DCHS2: variants seen among roughly 807,000 people sequenced by gnomAD.
DCHS2 encodes the protein protocadherin-23.
In DCHS2, 142 loss-of-function variants were observed where a neutral mutation model predicts 182.4. The observed-to-expected ratio is 0.78, with a 90% CI of 0.68 to 0.89. The LOEUF is 0.89. Ranked by LOEUF, DCHS2 falls within the 40% of genes least tolerant of loss-of-function variation. The pLI is 0.00. For synonymous variants in DCHS2, 1,740 were observed against 1,663.3 expected (o/e 1.05, Z -1.12); for missense variants, 4,319 against 4,198.6 (o/e 1.03, Z -0.79).
intron 13 of DCHS2, among the ~76,000 whole-genome samples, chr4:154,287,973 G>A (rs773842436): frequency 1.3e-5 from 2 of 152,066 alleles, no homozygotes; most frequent in African/African-American, 2.4e-5. Flanking sequence ...AGAGAAAACC[G>A]CCTTCACTAA....
intron 19 of DCHS2, among the ~76,000 whole-genome samples, chr4:154,238,590 C>T (rs768033925): frequency 1.3e-5 from 2 of 152,172 alleles, no homozygotes; most frequent in Non-Finnish European, 2.9e-5. Flanking sequence ...ATTTCACAAC[C>T]ACGAATGTCT....
intron 1 of DCHS2, among the ~76,000 whole-genome samples, chr4:154,466,449 A>G (rs760915280): frequency 1.3e-5 from 2 of 152,210 alleles, no homozygotes; most frequent in African/African-American, 2.4e-5. Context: ...AGAACCCATC[A>G]CTTTATAGCA....
chr4:154,270,048 G>A (rs1299185762), intron 13 of DCHS2, 35 bp from the exon 14 acceptor site: 15 of 1,562,194 alleles, frequency 9.6e-6, no homozygotes, highest in Non-Finnish European at 1.3e-5. Flanking sequence ...ACTCCATTAG[G>A]ATAAAAAAAT....
At chr4:154,431,012 C>G (rs1469803792) in intron 1 of DCHS2, among the ~76,000 whole-genome samples, 1 of 152,134 alleles carries the variant, frequency 6.6e-6, no homozygotes, top group African/African-American at 2.4e-5. Flanking sequence ...GTCTCCTCAC[C>G]TTGTCCTTCT....
At chr4:154,282,257 A>G (rs1366359166) in intron 13 of DCHS2, among the ~76,000 whole-genome samples, 1 of 152,150 alleles carries the variant, frequency 6.6e-6, no homozygotes, top group Non-Finnish European at 1.5e-5. Context: ...ATATAATAAG[A>G]GAAAATAGTT....
Position 154,454,091 on chromosome 4 carries a change from A to T in DCHS2, c.2052+35213T>A, listed in dbSNP as rs1020800599. Among the ~76,000 whole-genome samples the T allele has an allele frequency of 5.3e-5, 8 of 151,494 alleles. No individual in the cohort carries two copies. The Admixed American group carries it at 5.3e-4, about 10-fold the overall frequency. On this transcript the variant is annotated intron_variant, in intron 1 of 19. Coordinates refer to ENST00000357232, the MANE Select transcript of DCHS2 (RefSeq NM_001358235.2). ...TTATGTACAATGGTCCAATCATTTT[A>T]TATATTCCCATTGTTCAAATAGCAT...
chr4:154,268,186 C>A (rs534565613), intron 14 of DCHS2, among the ~76,000 whole-genome samples: 2 of 152,104 alleles, frequency 1.3e-5, no homozygotes, highest in African/African-American at 4.8e-5. Context: ...AGCATACAAT[C>A]TTTTCTCTTT....
chr4:154,288,217 T>C, intron 13 of DCHS2, among the ~76,000 whole-genome samples: 1 of 151,358 alleles, frequency 6.6e-6, no homozygotes, highest in East Asian at 1.9e-4. Flanking sequence ...AGACTGAAAA[T>C]AAAGAGCTGG....
intron 3 of DCHS2, among the ~76,000 whole-genome samples, chr4:154,337,088 C>G (rs763166300): frequency 3.9e-5 from 6 of 152,150 alleles, no homozygotes; most frequent in African/African-American, 9.7e-5. Flanking sequence ...GCACTCAGTA[C>G]TTATCACAAA....
Position 154,490,191 on chromosome 4 carries a change from C to T in DCHS2, c.1165G>A (p.Gly389Ser), listed in dbSNP as rs1351709900. 28 of 1,549,378 alleles carry T rather than the reference C, an allele frequency of 1.8e-5. No individual in the cohort carries two copies. Among genetic ancestry groups the T allele is most frequent in the Non-Finnish European group, 2.3e-5 (26 of 1,146,714 alleles). ...HQLVVEARDG[G>S]AEPEVATVRV... ...ACCGTGGCAACCTCAGGCTCGGCGCCTCCATCGCGGGCCTCCACCACCAAC... is the reference window on the plus strand; with the variant it reads ...ACCGTGGCAACCTCAGGCTCGGCGCTTCCATCGCGGGCCTCCACCACCAAC... The change falls in exon 1 of 20, where the codon GGC (glycine) becomes AGC (serine). Residue 389 changes from glycine to serine, a missense_variant. Gly to Ser is a moderately conservative substitution (Grantham distance 56). Coordinates refer to ENST00000357232, the MANE Select transcript of DCHS2 (RefSeq NM_001358235.2).
At chr4:154,359,761 T>C (rs1730032030) in intron 3 of DCHS2, among the ~76,000 whole-genome samples, 1 of 152,068 alleles carries the variant, frequency 6.6e-6, no homozygotes, top group Admixed American at 6.6e-5. Context: ...TTCTATCTCA[T>C]ATTGAGAATT....
At position 154,255,575 on chromosome 4, in the gene DCHS2, C is replaced by T; in HGVS notation, c.6885G>A (p.Leu2295=). Residue 2295 remains leucine, a synonymous_variant, in exon 16 of 20, where the codon CTG becomes CTA. Transcript: ENST00000357232. ...NQEEAFQIDA[L]SGVITTKAIL... ...TCGCTTTTGTTGTTATCACACCACTCAGTGCATCAATCTGGAATGCTTCTT... is the reference window on the plus strand; with the variant it reads ...TCGCTTTTGTTGTTATCACACCACTTAGTGCATCAATCTGGAATGCTTCTT... 1 of 1,614,020 alleles carries T rather than the reference C, an allele frequency of 6.2e-7. No individual in the cohort carries two copies. The highest frequency in any genetic ancestry group is 8.5e-7 in the Non-Finnish European group (1 of 1,179,956).
chr4:154,443,237 C>T (rs1410762203), intron 1 of DCHS2, among the ~76,000 whole-genome samples: 2 of 152,128 alleles, frequency 1.3e-5, no homozygotes, highest in Admixed American at 6.6e-5. Context: ...TAGACCAATA[C>T]GGCTAAACAA....
chr4:154,337,762 A>G (rs946055973), intron 3 of DCHS2, among the ~76,000 whole-genome samples: 1 of 149,596 alleles, frequency 6.7e-6, no homozygotes, highest in East Asian at 2.0e-4. Context: ...TATTATTGAG[A>G]TGAAGTTTCA....
At chr4:154,270,833 T>C (rs965688024) in intron 13 of DCHS2, among the ~76,000 whole-genome samples, 3 of 151,588 alleles carry the variant, frequency 2.0e-5, no homozygotes, top group African/African-American at 7.3e-5. Flanking sequence ...TATGAGAGCA[T>C]AAAGAAAAGA....
chr4:154,411,151 AT>A (rs1303513043), intron 1 of DCHS2, among the ~76,000 whole-genome samples: 3 of 152,244 alleles, frequency 2.0e-5, no homozygotes, highest in Non-Finnish European at 4.4e-5. Context: ...AAAATATTGC[AT>A]GATCTCACTT....
intron 1 of DCHS2, among the ~76,000 whole-genome samples, chr4:154,422,265 C>T (rs1249992952): frequency 6.6e-6 from 1 of 152,122 alleles, no homozygotes; most frequent in East Asian, 1.9e-4. Context: ...TATCACCTGT[C>T]CAGCACATTC....
At chr4:154,312,896 T>C (rs1578951590) in intron 10 of DCHS2, among the ~76,000 whole-genome samples, 1 of 152,218 alleles carries the variant, frequency 6.6e-6, no homozygotes, top group Non-Finnish European at 1.5e-5. Context: ...CAAAATTAGA[T>C]GCATCTTACA....
chr4:154,286,820 C>A (rs1297706709), intron 13 of DCHS2, among the ~76,000 whole-genome samples: 1 of 151,948 alleles, frequency 6.6e-6, no homozygotes, highest in Non-Finnish European at 1.5e-5. Context: ...CAGAGAACTC[C>A]TCAAACTTAG....
Sources: gnomAD v4.1 joint callset for allele counts (sites outside exome capture counted in the v4.1 genomes callset) on GRCh38, gnomAD v4.1.1 for gene constraint, MANE v1.5 for transcripts, NCBI Gene and HGNC (gene_info 2026-07-23, HGNC 2026-07-21) for gene names.